WWOX: variants seen among roughly 807,000 people sequenced by gnomAD.
WWOX encodes WW domain containing oxidoreductase.
Under a neutral mutation model 46.2 loss-of-function variants are expected in WWOX, and 69 were observed. The observed-to-expected ratio is 1.49, with a 90% CI of 1.23 to 1.82. The LOEUF is 1.82. WWOX is among the 40% of genes most tolerant of loss of function. The pLI, the probability that WWOX is intolerant of heterozygous loss-of-function variation, is 0.00. For synonymous variants in WWOX, 359 were observed against 202.6 expected, an observed-to-expected ratio of 1.77 and a Z score of -6.56; for missense variants, 919 against 542.6, an observed-to-expected ratio of 1.69 and a Z score of -6.89.
In WWOX at chr16:78,789,164, G is replaced by A. The variant is rs144069444; in HGVS notation, c.1056+356412G>A. Among the ~76,000 whole-genome samples the A allele has an allele frequency of 3.6e-4, 55 of 152,234 alleles. 1 individual carries two copies. In the East Asian group the frequency reaches 0.011, roughly 29 times the overall value. On this transcript the variant is annotated intron_variant, in intron 8 of 8. Transcript: ENST00000566780. ...CCCCTCCTCTCGCATTTGGTGAGAG[G>A]AGTCTTCTGTGTTGATTGTCATGGT...
intron 8 of WWOX, among the ~76,000 whole-genome samples, chr16:78,521,945 G>C (rs190143137): frequency 6.9e-4 from 105 of 152,236 alleles, no homozygotes; most frequent in African/African-American, 2.4e-3. Context: ...GATGGGGACA[G>C]TGAGTATTTG....
chr16:78,338,324 G>T (rs2080939392), intron 5 of WWOX, among the ~76,000 whole-genome samples: 1 of 121,684 alleles, frequency 8.2e-6, no homozygotes. Context: ...CCCAGCTGCT[G>T]AGAGTTTGAA....
chr16:78,400,326 A>G (rs1031011577), intron 6 of WWOX, among the ~76,000 whole-genome samples: 3 of 152,188 alleles, frequency 2.0e-5, no homozygotes, highest in Non-Finnish European at 1.5e-5. Flanking sequence ...GCACCAGGCT[A>G]ATAGAAAAGC....
At chr16:78,155,039 C>G (rs76919387) in intron 4 of WWOX, among the ~76,000 whole-genome samples, 2,896 of 152,282 alleles carry the variant, frequency 0.019, 51 homozygotes, top group African/African-American at 0.038. Flanking sequence ...CTCAGCTAAC[C>G]TGTCACCACG....
intron 8 of WWOX, among the ~76,000 whole-genome samples, chr16:79,030,275 C>T (rs543094664): frequency 1.3e-5 from 2 of 152,278 alleles, no homozygotes; most frequent in East Asian, 3.9e-4. Flanking sequence ...TTAATAATTA[C>T]TTTATGACTT....
intron 4 of WWOX, among the ~76,000 whole-genome samples, chr16:78,148,691 A>T (rs930131548): frequency 2.6e-5 from 4 of 151,704 alleles, no homozygotes; most frequent in Non-Finnish European, 2.9e-5. Flanking sequence ...AGGTCAGGAG[A>T]TCGAGACCAT....
At chr16:78,486,774 G>A (rs924616057) in intron 8 of WWOX, among the ~76,000 whole-genome samples, 1 of 152,104 alleles carries the variant, frequency 6.6e-6, no homozygotes, top group Non-Finnish European at 1.5e-5. Context: ...AGGGTTTACT[G>A]TCTTGGCCAG....
chr16:78,743,440 C>T (rs1471877061), intron 8 of WWOX, among the ~76,000 whole-genome samples: 2 of 151,798 alleles, frequency 1.3e-5, no homozygotes, highest in Non-Finnish European at 2.9e-5. Flanking sequence ...CGGTGTCTAC[C>T]CTCAAGAAGC....
At chr16:78,252,900 C>A (rs1441398519) in intron 5 of WWOX, among the ~76,000 whole-genome samples, 2 of 152,276 alleles carry the variant, frequency 1.3e-5, no homozygotes, top group African/African-American at 4.8e-5. Flanking sequence ...CGGTTTAGAA[C>A]AACACAGATT....
chr16:78,345,528 C>T (rs1442025590), intron 5 of WWOX, among the ~76,000 whole-genome samples: 1 of 71,974 alleles, frequency 1.4e-5, no homozygotes, highest in East Asian at 2.4e-4. Flanking sequence ...CCTGTAGTCC[C>T]ATCTACTCGG....
chr16:78,222,953 C>G (rs2036939335), intron 5 of WWOX, among the ~76,000 whole-genome samples: 1 of 152,174 alleles, frequency 6.6e-6, no homozygotes, highest in South Asian at 2.1e-4. Flanking sequence ...TCCTTTTGCT[C>G]AAGGCTCAGA....
At chr16:78,978,862 A>G (rs2046624365) in intron 8 of WWOX, among the ~76,000 whole-genome samples, 1 of 152,296 alleles carries the variant, frequency 6.6e-6, no homozygotes, top group South Asian at 2.1e-4. Flanking sequence ...ACTGGGGATT[A>G]CAATTCAACA....
At chr16:78,190,442 C>A (rs1438119812) in intron 5 of WWOX, among the ~76,000 whole-genome samples, 1 of 152,194 alleles carries the variant, frequency 6.6e-6, no homozygotes, top group Non-Finnish European at 1.5e-5. Context: ...TCACTTGCAA[C>A]CAAATCAGTC....
Position 78,344,363 on chromosome 16 carries a change from G to T in WWOX, c.517-42497G>T, listed in dbSNP as rs2081062284. 1.7e-5 allele frequency among the ~76,000 whole-genome samples: 2 copies of T among 120,788 alleles called. 1 individual carries two copies. The highest frequency in any genetic ancestry group is 5.6e-5 in the African/African-American group (2 of 35,562). The allele number at this position is 120,788 out of a possible 152,430, so 79.2% of individuals were successfully genotyped here. A position where few individuals can be genotyped will look rare whatever the true frequency, so the allele number is the denominator to read the frequency against. On this transcript the variant is annotated intron_variant, in intron 5 of 8. Transcript: ENST00000566780. ...GTATTTTTTTATTTGAAAGGTATTT[G>T]CTTAAATAAATAGGCCATATAAATC...
intron 8 of WWOX, among the ~76,000 whole-genome samples, chr16:78,869,795 C>T (rs184143580): frequency 1.3e-5 from 2 of 152,306 alleles, no homozygotes; most frequent in East Asian, 1.9e-4. Flanking sequence ...AGCCAAAAGC[C>T]AGCAGAGAGA....
chr16:79,211,034 A>AGTGTGTGTGTGTGTGTGTGTGTGTGT (rs58334968), intron 8 of WWOX, among the ~76,000 whole-genome samples: 10 of 149,602 alleles, frequency 6.7e-5, no homozygotes, highest in East Asian at 2.0e-4. Context: ...TATGGTGAGG[A>AGTGTGTGTGTGTGTGTGTGTGTGTGT]GTGTGTGTGT....
intron 8 of WWOX, among the ~76,000 whole-genome samples, chr16:79,064,638 C>T (rs570311943): frequency 7.9e-5 from 12 of 152,252 alleles, no homozygotes; most frequent in Middle Eastern, 3.4e-3. Context: ...GCCGTCCATC[C>T]GGCACTGCCA....
intron 8 of WWOX, among the ~76,000 whole-genome samples, chr16:78,713,040 GA>G (rs2048477217): frequency 1.3e-5 from 2 of 152,056 alleles, no homozygotes; most frequent in South Asian, 2.1e-4. Flanking sequence ...CAGGCTGAGG[GA>G]GGAGAACTGC....
chr16:78,220,439 C>G (rs1193678076), intron 5 of WWOX, among the ~76,000 whole-genome samples: 2 of 152,070 alleles, frequency 1.3e-5, no homozygotes, highest in East Asian at 3.9e-4. Context: ...AGCTGTTTTG[C>G]TAAGTAATAC....
Sources: allele counts gnomAD v4.1 joint callset (sites outside exome capture counted in the v4.1 genomes callset), GRCh38; gene constraint gnomAD v4.1.1; transcripts MANE v1.5; gene names NCBI Gene and HGNC (gene_info 2026-07-23, HGNC 2026-07-21).